CRYGN: variants seen among roughly 807,000 people sequenced by gnomAD.
CRYGN encodes gamma-crystallin N.
CRYGN carries 17 observed loss-of-function variants against 19.2 expected under a neutral mutation model. That is an observed-to-expected ratio of 0.89 (90% CI 0.61 to 1.33). CRYGN has a LOEUF of 1.33. CRYGN is among the 40% of genes most tolerant of loss of function. The probability of loss-of-function intolerance (pLI) is 0.00; values close to 1 mark genes in which losing one functional copy is unlikely to be tolerated. For missense variants in CRYGN, 239 were observed against 239.6 expected (o/e 1.00, Z 0.02); for synonymous variants, 84 against 85.8 (o/e 0.98, Z 0.12).
Position 151,433,062 on chromosome 7 carries a change from G to A in CRYGN, c.417-2882C>T, listed in dbSNP as rs905400844. ...TGTGGGGGTGCAGTTGCATGGAGGA[G>A]CCTGCAGGGCACAGAGGAGGGTTGG... On this transcript the variant is annotated intron_variant, in intron 3 of 3. Coordinates refer to ENST00000337323, the MANE Select transcript of CRYGN (RefSeq NM_144727.3). The surrounding 1 kb of genome is among the most constrained non-coding windows in gnomAD (Gnocchi z 5.1). 4.6e-5 allele frequency among the ~76,000 whole-genome samples: 7 copies of A among 152,250 alleles called. No homozygotes were observed. Among genetic ancestry groups the A allele is most frequent in the Admixed American group, 4.6e-4 (7 of 15,290 alleles).
Position 151,436,191 on chromosome 7 carries a change from G to A in CRYGN, c.405C>T (p.Tyr135=), listed in dbSNP as rs201600508. ...TGGCCTGTACTCACGCTCCGTCCCC[G>A]TACACCTTGATGGTGTTCACACAGT... ...VKNCVNTIKV[Y]GDGAAWSPRS... Residue 135 remains tyrosine (Y), a synonymous_variant, in exon 3 of 4, where the codon TAC becomes TAT. Coordinates refer to ENST00000337323, the MANE Select transcript of CRYGN (RefSeq NM_144727.3). This position sits in a 1 kb window ranked among gnomAD's most constrained non-coding sequence, Gnocchi z 5.1. 139 of 1,534,532 alleles carry A rather than the reference G, an allele frequency of 9.1e-5. No individual in the cohort carries two copies. The highest frequency in any genetic ancestry group is 2.5e-4 in the African/African-American group (18 of 71,842).
At chr7:151,438,592 T>A (rs555491370) in intron 1 of CRYGN, among the ~76,000 whole-genome samples, 72 of 152,358 alleles carry the variant, frequency 4.7e-4, no homozygotes, top group South Asian at 1.0e-3. Context: ...ACTCATTTTT[T>A]AATTATTAAA....
rs952825620 is a variant in CRYGN at position 151,429,160 on chromosome 7, C to G, written c.*888G>C. 1.3e-5 allele frequency: 2 copies of G among 152,486 alleles called. No homozygotes were observed. Among genetic ancestry groups the G allele is most frequent in the African/African-American group, 4.8e-5 (2 of 41,438 alleles). 9.4% of individuals were successfully genotyped at this position (152,486 alleles called of 1,614,324 possible). On this transcript the variant is annotated 3_prime_UTR_variant, in exon 4 of 4. Transcript: ENST00000337323. ...TGCCTATGAGGGGGCGGAATGATTA[C>G]CACTGCTGTACGTCTGAAGACACTG...
In CRYGN at chr7:151,438,193, C is replaced by T. The variant is rs781449100; in HGVS notation, c.73G>A (p.Gly25Arg). Residue 25 changes from glycine to arginine, a missense_variant, in exon 2 of 4, where the codon GGG (glycine) becomes AGG (arginine). Coordinates refer to ENST00000337323, the MANE Select transcript of CRYGN (RefSeq NM_144727.3). The stretch of plus-strand genomic sequence containing the variant: ...CGGTCCTGGAAGTTGTCACAGTCCC[C>T]GAAGACCTCCAGCTTCTGCCCTGTG... ...HFTGQKLEVF[G>R]DCDNFQDRGF... 7 of 1,614,088 alleles carry T rather than the reference C, an allele frequency of 4.3e-6. No homozygotes were observed. In the Admixed American group the frequency reaches 5.0e-5, roughly 12 times the overall value.
At position 151,438,100 on chromosome 7, in the gene CRYGN, C is replaced by T. The variant is rs147779621; in HGVS notation, c.166G>A (p.Asp56Asn). Residue 56 changes from aspartate to asparagine, a missense_variant, in exon 2 of 4, where the codon GAC becomes AAC. Asp to Asn is a conservative substitution (Grantham distance 23, BLOSUM62 1). Transcript: ENST00000337323. The stretch of plus-strand genomic sequence containing the variant: ...AAGATGAACTGCTGGCCCCGGAAGT[C>T]GGGGTGATTGAAGCAGACCCAGGCT... ...SGAWVCFNHP[D>N]FRGQQFILEH... 9.0e-5 allele frequency: 146 copies of T among 1,614,108 alleles called. No homozygotes were observed. The African/African-American group carries it at 1.4e-3, about 16-fold the overall frequency.
chr7:151,436,205 T>A lies in CRYGN; in HGVS notation c.391A>T (p.Thr131Ser). The A allele has an allele frequency of 1.3e-6, 2 of 1,572,142 alleles. No individual in the cohort carries two copies. The highest frequency in any genetic ancestry group is 2.3e-5 in the South Asian group (2 of 85,404). The change falls in exon 3 of 4, where the codon ACC becomes TCC. Residue 131 changes from threonine (T) to serine (S), a missense_variant. Physicochemically the swap from Thr to Ser is moderately conservative, Grantham distance 58 (BLOSUM62 1). Transcript: ENST00000337323. This position sits in a 1 kb window ranked among gnomAD's most constrained non-coding sequence, Gnocchi z 5.1. Reference protein sequence around the residue: ...SRGWVKNCVNTIKVYGDGAAW... With the variant: ...SRGWVKNCVNSIKVYGDGAAW... ...GCTCCGTCCCCGTACACCTTGATGG[T>A]GTTCACACAGTTCTTGACCCAGCCC...
intron 3 of CRYGN, among the ~76,000 whole-genome samples, chr7:151,432,967 G>A (rs911873263): frequency 1.3e-5 from 2 of 152,194 alleles, no homozygotes; most frequent in Non-Finnish European, 2.9e-5. Flanking sequence ...TACCAGAGGT[G>A]CCATGGTCAC....
At chr7:151,439,832 C>T in intron 1 of CRYGN, 65 bp downstream of exon 1, 1 of 1,486,940 alleles carries the variant, frequency 6.7e-7, no homozygotes, top group Non-Finnish European at 9.1e-7. Context: ...CCTCCTGCAT[C>T]CCCTAGCACA....
In CRYGN at chr7:151,436,356, A is replaced by ACCACG; in HGVS notation, c.271-32_271-31insCGTGG. 1.3e-6 allele frequency: 2 copies of ACCACG among 1,486,996 alleles called. No individual in the cohort carries two copies. The highest frequency in any genetic ancestry group is 1.8e-6 in the Non-Finnish European group (2 of 1,111,454). 92.1% of individuals were successfully genotyped at this position (1,486,996 alleles called of 1,614,324 possible). A position where few individuals can be genotyped will look rare whatever the true frequency, so the allele number is the denominator to read the frequency against. On this transcript the variant is annotated intron_variant, in intron 2 of 3. Transcript: ENST00000337323. The surrounding 1 kb of genome is among the most constrained non-coding windows in gnomAD (Gnocchi z 5.1). ...AGACCAAGCAAAAAAGAAGGAAAGA[A>ACCACG]GGAGGTTGCTGTGAATTCCCCTCTC...
Position 151,436,241 on chromosome 7 carries a change from G to A in CRYGN, c.355C>T (p.Leu119Phe), listed in dbSNP as rs1405450845. Residue 119 changes from leucine (L) to phenylalanine (F), a missense_variant, in exon 3 of 4, where the codon CTC becomes TTC. By Grantham distance (22) the Leu-to-Phe change is conservative (BLOSUM62 0). Coordinates refer to ENST00000337323, the MANE Select transcript of CRYGN (RefSeq NM_144727.3). This position sits in a 1 kb window ranked among gnomAD's most constrained non-coding sequence, Gnocchi z 5.1. ...TTCTTGACCCAGCCCCTGCTCTGGA[G>A]GAAGGGGCTGTCCTCCAGGAACTCC... ...CLEFLEDSPF[L>F]QSRGWVKNCV... 3 of 1,598,544 alleles carry A rather than the reference G, an allele frequency of 1.9e-6. No homozygotes were observed. In the South Asian group the frequency reaches 3.4e-5, roughly 18 times the overall value.
chr7:151,430,509 G>A lies in CRYGN; in HGVS notation c.417-329C>T, dbSNP rs993130800. On this transcript the variant is annotated intron_variant, in intron 3 of 3. Transcript: ENST00000337323. This position sits in a 1 kb window ranked among gnomAD's most constrained non-coding sequence, Gnocchi z 5.2. ...GAGAGGTTGGAGGACACCCAGGAACGGGACAGCCATCCCCTGGCCCACCAC... is the reference window on the plus strand; with the variant it reads ...GAGAGGTTGGAGGACACCCAGGAACAGGACAGCCATCCCCTGGCCCACCAC... Among the ~76,000 whole-genome samples, 5 of 152,240 alleles carry A rather than the reference G, an allele frequency of 3.3e-5. No individual in the cohort carries two copies. The highest frequency in any genetic ancestry group is 2.1e-4 in the South Asian group (1 of 4,820).
Position 151,436,356 on chromosome 7 carries a change from A to ACCAGC in CRYGN, c.271-32_271-31insGCTGG. 2 of 1,486,986 alleles carry ACCAGC rather than the reference A, an allele frequency of 1.3e-6. No homozygotes were observed. Among genetic ancestry groups the ACCAGC allele is most frequent in the Non-Finnish European group, 1.8e-6 (2 of 1,111,446 alleles). 92.1% of individuals were successfully genotyped at this position (1,486,986 alleles called of 1,614,324 possible). Reference sequence around the variant, plus strand: ...AGACCAAGCAAAAAAGAAGGAAAGAAGGAGGTTGCTGTGAATTCCCCTCTC... The same window carrying ACCAGC: ...AGACCAAGCAAAAAAGAAGGAAAGAACCAGCGGAGGTTGCTGTGAATTCCCCTCTC... On this transcript the variant is annotated intron_variant, in intron 2 of 3. Transcript: ENST00000337323. This position sits in a 1 kb window ranked among gnomAD's most constrained non-coding sequence, Gnocchi z 5.1.
chr7:151,436,226 A>G lies in CRYGN; in HGVS notation c.370T>C (p.Trp124Arg), dbSNP rs1385143629. The change falls in exon 3 of 4, where the codon TGG (tryptophan) becomes CGG (arginine). Residue 124 changes from tryptophan to arginine, a missense_variant. By Grantham distance (101) the Trp-to-Arg change is moderately radical. Transcript: ENST00000337323. The surrounding 1 kb of genome is among the most constrained non-coding windows in gnomAD (Gnocchi z 5.1). ...ATGGTGTTCACACAGTTCTTGACCC[A>G]GCCCCTGCTCTGGAGGAAGGGGCTG... ...EDSPFLQSRG[W>R]VKNCVNTIKV... 6.3e-7 allele frequency: 1 copy of G among 1,595,178 alleles called. No individual in the cohort carries two copies. The highest frequency in any genetic ancestry group is 8.5e-7 in the Non-Finnish European group (1 of 1,170,218).
Position 151,440,098 on chromosome 7 carries a change from G to A in CRYGN, c.-181C>T, listed in dbSNP as rs1801726320. 1 of 1,362,994 alleles carries A rather than the reference G, an allele frequency of 7.3e-7. No homozygotes were observed. The highest frequency in any genetic ancestry group is 1.5e-5 in the African/African-American group (1 of 65,250). The allele number at this position is 1,362,994 out of a possible 1,614,324, so 84.4% of individuals were successfully genotyped here. ...CCGCGGCCACCCTGTGCCACCGCGA[G>A]TGCAGCCCGCCCTGCCCGGGGTCTC... On this transcript the variant is annotated 5_prime_UTR_variant, in exon 1 of 4. Transcript: ENST00000337323.
intron 2 of CRYGN, 40 bp downstream of exon 2, chr7:151,437,956 C>CA (rs1186964795): frequency 6.2e-7 from 1 of 1,607,512 alleles, no homozygotes; most frequent in Non-Finnish European, 8.5e-7. Context: ...TCGGTCCCTC[C>CA]AGCAGGAAGA....
intron 2 of CRYGN, chr7:151,437,776 C>G (rs1801653318): frequency 7.3e-7 from 1 of 1,378,630 alleles, no homozygotes. Flanking sequence ...TTATTGATAC[C>G]TGTATGAAAA....
chr7:151,439,872 C>G, intron 1 of CRYGN, 25 bp downstream of exon 1: 2 of 1,554,536 alleles, frequency 1.3e-6, no homozygotes, highest in Non-Finnish European at 1.7e-6. Context: ...CACTCGGTTT[C>G]CTTGGGGTTG....
At chr7:151,438,376 A>ACTGTGTG in intron 1 of CRYGN, 132 bp from the exon 2 acceptor site, 1 of 839,450 alleles carries the variant, frequency 1.2e-6, no homozygotes, top group Non-Finnish European at 1.8e-6. Context: ...CCTGCTGCAC[A>ACTGTGTG]CAGTAGGTGC....
In CRYGN at chr7:151,431,393, C is replaced by A. The variant is rs755024910; in HGVS notation, c.417-1213G>T. Among the ~76,000 whole-genome samples, 11 of 152,156 alleles carry A rather than the reference C, an allele frequency of 7.2e-5. 1 individual carries two copies. The highest frequency in any genetic ancestry group is 1.3e-4 in the Non-Finnish European group (9 of 68,010). On this transcript the variant is annotated intron_variant, in intron 3 of 3. Coordinates refer to ENST00000337323, the MANE Select transcript of CRYGN (RefSeq NM_144727.3). This position sits in a 1 kb window ranked among gnomAD's most constrained non-coding sequence, Gnocchi z 4.8. ...GCCCCTCAAGGGTGGGGTGTCCCCT[C>A]TAGATTCAAGCCCACCCCAACAGGA...
Sources: gnomAD v4.1 joint callset for allele counts (sites outside exome capture counted in the v4.1 genomes callset) on GRCh38, gnomAD v4.1.1 for gene constraint, Gnocchi (gnomAD v3.1) non-coding constraint, MANE v1.5 for transcripts, NCBI Gene and HGNC (gene_info 2026-07-23, HGNC 2026-07-21) for gene names.